The following EHBP1 variants were observed in gnomAD, a reference collection of about 807,000 sequenced individuals.
EHBP1 encodes the protein EH domain-binding protein 1.
A neutral mutation model predicts 144.0 loss-of-function variants in EHBP1; 55 were observed. The ratio of observed to expected loss-of-function variants is 0.38; its 90% CI spans 0.31 to 0.48. EHBP1 has a LOEUF of 0.48. Ranked by LOEUF, EHBP1 falls within the 20% of genes least tolerant of loss-of-function variation. The pLI is 0.98. For missense variants in EHBP1, 1,200 were observed against 1,364.2 expected, an observed-to-expected ratio of 0.88 and a Z score of 1.90; for synonymous variants, 469 against 472.7, an observed-to-expected ratio of 0.99 and a Z score of 0.10.
At chr2:62,819,583 G>GT (rs1313749407) in intron 5 of EHBP1, among the ~76,000 whole-genome samples, 3 of 152,012 alleles carry the variant, frequency 2.0e-5, no homozygotes, top group Non-Finnish European at 4.4e-5. Flanking sequence ...GGCCAACATG[G>GT]TGAAACCCCG....
At chr2:62,804,089 G>C (rs1173944834) in intron 5 of EHBP1, among the ~76,000 whole-genome samples, 1 of 152,158 alleles carries the variant, frequency 6.6e-6, no homozygotes, top group Non-Finnish European at 1.5e-5. Flanking sequence ...CTGGTTTTAT[G>C]CCTTATTTAG....
At chr2:62,833,955 C>A (rs1198097418) in intron 7 of EHBP1, among the ~76,000 whole-genome samples, 1 of 152,142 alleles carries the variant, frequency 6.6e-6, no homozygotes, top group Non-Finnish European at 1.5e-5. Context: ...TGATTCTGAT[C>A]CTCATGGCTG....
chr2:62,852,336 T>C (rs2048738594), intron 7 of EHBP1, among the ~76,000 whole-genome samples: 1 of 152,064 alleles, frequency 6.6e-6, no homozygotes, highest in Admixed American at 6.6e-5. Context: ...TAATAATACT[T>C]CTTTGGTTAT....
chr2:62,842,535 C>T (rs1013740884), intron 7 of EHBP1, among the ~76,000 whole-genome samples: 4 of 152,026 alleles, frequency 2.6e-5, no homozygotes, highest in African/African-American at 9.7e-5. Flanking sequence ...ACATTCAGAC[C>T]GTAATATACC....
chr2:62,892,638 T>C (rs1349610946), intron 10 of EHBP1, among the ~76,000 whole-genome samples: 2 of 152,154 alleles, frequency 1.3e-5, no homozygotes, highest in African/African-American at 4.8e-5. Context: ...AGCAAAACTT[T>C]ACCTTATACA....
chr2:62,710,427 G>A (rs994172628), intron 2 of EHBP1, among the ~76,000 whole-genome samples: 2 of 151,404 alleles, frequency 1.3e-5, no homozygotes, highest in African/African-American at 4.8e-5. Context: ...TATTCAGAGT[G>A]CTGTAAACTT....
At chr2:63,008,774 T>C (rs180758887) in intron 19 of EHBP1, among the ~76,000 whole-genome samples, 3 of 151,762 alleles carry the variant, frequency 2.0e-5, no homozygotes, top group African/African-American at 7.2e-5. Flanking sequence ...TAAGGTTAGA[T>C]TGGAAAGATT....
intron 19 of EHBP1, among the ~76,000 whole-genome samples, chr2:63,013,524 C>G (rs1055475768): frequency 5.3e-5 from 8 of 152,104 alleles, no homozygotes; most frequent in African/African-American, 1.9e-4. Flanking sequence ...GAAACCCCCC[C>G]AAAAGACAAA....
intron 10 of EHBP1, chr2:62,940,418 G>A (rs1216052182): frequency 6.4e-6 from 1 of 156,282 alleles, no homozygotes; most frequent in Non-Finnish European, 1.4e-5. Context: ...GAGTGAGGCA[G>A]ATCTTGTTAC....
At chr2:63,021,975 C>T (rs2060773054) in intron 19 of EHBP1, among the ~76,000 whole-genome samples, 1 of 152,052 alleles carries the variant, frequency 6.6e-6, no homozygotes, top group African/African-American at 2.4e-5. Context: ...ACTATGTTGG[C>T]CAGGCTGCTC....
intron 10 of EHBP1, among the ~76,000 whole-genome samples, chr2:62,935,536 G>A (rs1305735404): frequency 6.6e-6 from 1 of 151,704 alleles, no homozygotes; most frequent in East Asian, 1.9e-4. Context: ...AATACAGTTG[G>A]TTTTGTACAT....
rs550929893 is a variant in EHBP1 at position 63,041,496 on chromosome 2, C to T, written c.3277+2680C>T. On this transcript the variant is annotated intron_variant, in intron 21 of 22. Transcript: ENST00000431489. Reference sequence around the variant, plus strand: ...TTCCTGGCTTAGAGTTTGAAGTGGGCGCTCTTCTAAAGGGATTTATGCATA... The same window carrying T: ...TTCCTGGCTTAGAGTTTGAAGTGGGTGCTCTTCTAAAGGGATTTATGCATA... Among the ~76,000 whole-genome samples the T allele has an allele frequency of 1.5e-4, 23 of 152,174 alleles. No homozygotes were observed. The South Asian group carries it at 3.7e-3, about 25-fold the overall frequency.
At chr2:63,038,699 G>T (rs2061542406) in intron 20 of EHBP1, 44 bp from the exon 21 acceptor site, 3 of 1,549,866 alleles carry the variant, frequency 1.9e-6, no homozygotes, top group South Asian at 2.2e-5. Context: ...AGTTTTTAAT[G>T]ATTTAGTAAT....
chr2:62,922,146 G>A lies in EHBP1; in HGVS notation c.1186-20572G>A, dbSNP rs199597684. On this transcript the variant is annotated intron_variant, in intron 10 of 22. Coordinates refer to ENST00000431489, the MANE Select transcript of EHBP1 (RefSeq NM_001142616.3). The stretch of plus-strand genomic sequence containing the variant: ...GCGGAGATCGCACCACTGCACTCCA[G>A]CCTGAGCGACAGAGCAAGACTCCGT... 3.9e-5 allele frequency among the ~76,000 whole-genome samples: 6 copies of A among 152,308 alleles called. No individual in the cohort carries two copies. In the East Asian group the frequency reaches 9.6e-4, roughly 24 times the overall value.
At chr2:62,902,284 G>A (rs902377846) in intron 10 of EHBP1, among the ~76,000 whole-genome samples, 1 of 152,206 alleles carries the variant, frequency 6.6e-6, no homozygotes, top group African/African-American at 2.4e-5. Flanking sequence ...GACTTTGAAC[G>A]TGGGAGGATT....
intron 10 of EHBP1, among the ~76,000 whole-genome samples, chr2:62,902,842 T>G (rs990266159): frequency 6.6e-6 from 1 of 152,350 alleles, no homozygotes; most frequent in Non-Finnish European, 1.5e-5. Context: ...TTGTTTCATG[T>G]AAAAATAGTT....
At chr2:63,018,065 T>A (rs2060557221) in intron 19 of EHBP1, among the ~76,000 whole-genome samples, 1 of 152,190 alleles carries the variant, frequency 6.6e-6, no homozygotes, top group South Asian at 2.1e-4. Flanking sequence ...CTCAAGAGGC[T>A]GAGGCAGGAG....
chr2:62,839,692 C>T (rs1021752928), intron 7 of EHBP1, among the ~76,000 whole-genome samples: 6 of 151,880 alleles, frequency 4.0e-5, no homozygotes, highest in African/African-American at 9.7e-5. Flanking sequence ...TTCTTATACA[C>T]CAACAACAGA....
intron 2 of EHBP1, among the ~76,000 whole-genome samples, chr2:62,719,771 G>C (rs2036035007): frequency 6.6e-6 from 1 of 152,140 alleles, no homozygotes; most frequent in Admixed American, 6.6e-5. Flanking sequence ...TGACTTTAAA[G>C]TATACAGGAG....
Sources: allele counts gnomAD v4.1 joint callset (sites outside exome capture counted in the v4.1 genomes callset), GRCh38; gene constraint gnomAD v4.1.1; transcripts MANE v1.5; gene names NCBI Gene and HGNC (gene_info 2026-07-23, HGNC 2026-07-21).